BCAS1: variants seen among roughly 807,000 people sequenced by gnomAD.
BCAS1 encodes breast carcinoma-amplified sequence 1.
In BCAS1, 46 loss-of-function variants were observed where a neutral mutation model predicts 65.4. The observed-to-expected ratio is 0.70, with a 90% confidence interval of 0.55 to 0.90. The LOEUF is 0.90. Ranked by LOEUF, BCAS1 falls within the 40% of genes least tolerant of loss-of-function variation. The probability of loss-of-function intolerance (pLI) is 0.00; values close to 1 mark genes in which losing one functional copy is unlikely to be tolerated. For missense variants in BCAS1, 793 were observed against 771.2 expected, an observed-to-expected ratio of 1.03 and a Z score of -0.33; for synonymous variants, 298 against 293.5, an observed-to-expected ratio of 1.02 and a Z score of -0.16.
chr20:54,022,306 T>C (rs909578348), intron 4 of BCAS1, among the ~76,000 whole-genome samples: 3 of 152,024 alleles, frequency 2.0e-5, no homozygotes, highest in African/African-American at 7.2e-5. Flanking sequence ...TGTGTGTGTG[T>C]TTCCTGCAGC....
In BCAS1 at chr20:54,035,071, C is replaced by T. The variant is rs997660092; in HGVS notation, c.143-6099G>A. On this transcript the variant is annotated intron_variant, in intron 3 of 12. Coordinates refer to ENST00000688948, the MANE Select transcript of BCAS1 (RefSeq NM_001366298.2). Reference sequence around the variant, plus strand: ...ATTCAATAAAAAGTGCTGGGATAACCGGCTAGCTGTACACAGAAGATTAAA... The same window carrying T: ...ATTCAATAAAAAGTGCTGGGATAACTGGCTAGCTGTACACAGAAGATTAAA... Among the ~76,000 whole-genome samples, 11 of 151,216 alleles carry T rather than the reference C, an allele frequency of 7.3e-5. 1 individual carries two copies. Among genetic ancestry groups the T allele is most frequent in the East Asian group, 1.9e-4 (1 of 5,174 alleles).
intron 8 of BCAS1, 67 bp downstream of exon 8, chr20:53,985,220 C>T (rs942741610): frequency 1.4e-6 from 2 of 1,449,718 alleles, no homozygotes; most frequent in Non-Finnish European, 1.9e-6. Flanking sequence ...ACAGTTAGCC[C>T]AATAGAAATA....
At chr20:54,050,223 G>C (rs1200461105) in intron 3 of BCAS1, among the ~76,000 whole-genome samples, 1 of 152,116 alleles carries the variant, frequency 6.6e-6, no homozygotes, top group East Asian at 1.9e-4. Context: ...GAAGACCCTT[G>C]TGATCACACT....
At chr20:54,046,496 T>C (rs1250849514) in intron 3 of BCAS1, among the ~76,000 whole-genome samples, 2 of 127,036 alleles carry the variant, frequency 1.6e-5, no homozygotes, top group Admixed American at 1.9e-4. Flanking sequence ...GCCACTGCAC[T>C]CCAGCCTGGT....
intron 2 of BCAS1, 98 bp from the exon 3 acceptor site, chr20:54,058,252 A>G: frequency 1.8e-6 from 2 of 1,119,560 alleles, no homozygotes; most frequent in South Asian, 2.7e-5. Flanking sequence ...CTCACAAAAA[A>G]TTAAACTTAA....
intron 9 of BCAS1, among the ~76,000 whole-genome samples, chr20:53,968,395 G>C (rs1178960687): frequency 6.6e-6 from 1 of 152,164 alleles, no homozygotes; most frequent in Non-Finnish European, 1.5e-5. Flanking sequence ...GGGGGTAGGG[G>C]AAGGGGACTT....
chr20:53,992,070 T>G (rs779196665), intron 7 of BCAS1, among the ~76,000 whole-genome samples: 3 of 152,214 alleles, frequency 2.0e-5, no homozygotes, highest in Admixed American at 1.3e-4. Flanking sequence ...GAATGTAATG[T>G]CTTTTTAATT....
chr20:54,038,415 C>T (rs1049469879), intron 3 of BCAS1, among the ~76,000 whole-genome samples: 1 of 151,292 alleles, frequency 6.6e-6, no homozygotes, highest in Non-Finnish European at 1.5e-5. Flanking sequence ...GTCTGCTCTG[C>T]TTACAGCTGG....
At chr20:54,063,827 A>G (rs2092404336) in intron 1 of BCAS1, among the ~76,000 whole-genome samples, 2 of 152,322 alleles carry the variant, frequency 1.3e-5, no homozygotes, top group Middle Eastern at 3.4e-3. Context: ...AATAAATCAG[A>G]TAGAGTTTTT....
At chr20:53,996,782 C>T (rs1234078170) in intron 4 of BCAS1, among the ~76,000 whole-genome samples, 3 of 152,160 alleles carry the variant, frequency 2.0e-5, no homozygotes, top group Non-Finnish European at 4.4e-5. Flanking sequence ...CTCCTTACCA[C>T]CCTCCAGTAG....
intron 10 of BCAS1, among the ~76,000 whole-genome samples, chr20:53,963,309 C>G (rs1190485363): frequency 1.3e-5 from 2 of 151,608 alleles, no homozygotes; most frequent in Non-Finnish European, 2.9e-5. Context: ...TGGTGAAACC[C>G]TGTCTCTTCT....
chr20:53,999,929 C>T (rs543251694), intron 4 of BCAS1, among the ~76,000 whole-genome samples: 1 of 151,986 alleles, frequency 6.6e-6, no homozygotes, highest in South Asian at 2.1e-4. Flanking sequence ...GGGGTTTCAC[C>T]GTGTTGGCCA....
chr20:54,054,669 C>T (rs1373916651), intron 3 of BCAS1, among the ~76,000 whole-genome samples: 1 of 152,164 alleles, frequency 6.6e-6, no homozygotes, highest in Admixed American at 6.5e-5. Flanking sequence ...ACAAACTCTC[C>T]AGCAGTAGCT....
At chr20:54,000,391 A>AATAGAAACCAATGAAGGTTCTT (rs1448946579) in intron 4 of BCAS1, among the ~76,000 whole-genome samples, 1 of 152,186 alleles carries the variant, frequency 6.6e-6, no homozygotes, top group East Asian at 1.9e-4. Context: ...CCTTCACTGG[A>AATAGAAACCAATGAAGGTTCTT]ATAGAAACCA....
chr20:53,964,406 C>T (rs2089972410), intron 10 of BCAS1, among the ~76,000 whole-genome samples: 1 of 152,100 alleles, frequency 6.6e-6, no homozygotes, highest in Non-Finnish European at 1.5e-5. Context: ...GAAAAAAAGA[C>T]GATAATTAGA....
At chr20:54,008,582 A>G (rs531333385) in intron 4 of BCAS1, among the ~76,000 whole-genome samples, 8 of 152,332 alleles carry the variant, frequency 5.3e-5, no homozygotes, top group African/African-American at 1.9e-4. Context: ...GACAGTAATG[A>G]GGTAGCAGCC....
chr20:53,953,293 T>C (rs956091380), intron 12 of BCAS1, 139 bp downstream of exon 12: 5 of 1,073,790 alleles, frequency 4.7e-6, no homozygotes, highest in African/African-American at 1.6e-5. Flanking sequence ...GGAAGTCACA[T>C]AGCAGTTCAA....
At chr20:53,967,566 G>A (rs975685033) in intron 9 of BCAS1, among the ~76,000 whole-genome samples, 2 of 152,202 alleles carry the variant, frequency 1.3e-5, no homozygotes, top group Non-Finnish European at 2.9e-5. Flanking sequence ...AAAAACCACT[G>A]AATTTAATTG....
chr20:54,011,194 A>G (rs926935618), intron 4 of BCAS1, among the ~76,000 whole-genome samples: 2 of 152,114 alleles, frequency 1.3e-5, no homozygotes, highest in African/African-American at 4.8e-5. Flanking sequence ...ACCAAAGACC[A>G]AAAGCAAAAT....
Sources: gnomAD v4.1 joint callset for allele counts (sites outside exome capture counted in the v4.1 genomes callset) on GRCh38, gnomAD v4.1.1 for gene constraint, MANE v1.5 for transcripts, NCBI Gene and HGNC (gene_info 2026-07-23, HGNC 2026-07-21) for gene names.